Variants in KCNH5 observed in about 807,000 individuals in gnomAD.
KCNH5 encodes the protein potassium voltage-gated channel subfamily H member 5, also known as voltage-gated delayed rectifier potassium channel KCNH5.
A neutral mutation model predicts 96.1 loss-of-function variants in KCNH5; 46 were observed. The ratio of observed to expected loss-of-function variants is 0.48; its 90% CI spans 0.38 to 0.61. The LOEUF (loss-of-function observed/expected upper bound fraction) is 0.61. Among genes scored for constraint, KCNH5 ranks in the 20% least tolerant of loss-of-function variants. KCNH5 has a pLI of 0.00. For missense variants in KCNH5, 907 were observed against 1,225.8 expected, an observed-to-expected ratio of 0.74 and a Z score of 3.88; for synonymous variants, 439 against 449.8, an observed-to-expected ratio of 0.98 and a Z score of 0.30.
rs530519484 is a variant in KCNH5 at position 62,731,334 on chromosome 14, T to C, written c.2020-22879A>G. ...TAATAATAATAAATTAAAAAATAAA[T>C]AAATAAAATTAAATTAAAAATTAAA... On this transcript the variant is annotated intron_variant, in intron 10 of 10. Transcript: ENST00000322893. Among the ~76,000 whole-genome samples, 17 of 151,274 alleles carry C rather than the reference T, an allele frequency of 1.1e-4. No homozygotes were observed. The South Asian group carries it at 3.5e-3, about 32-fold the overall frequency.
intron 6 of KCNH5, among the ~76,000 whole-genome samples, chr14:62,969,720 G>A (rs1434053104): frequency 6.7e-6 from 1 of 149,078 alleles, no homozygotes; most frequent in Non-Finnish European, 1.5e-5. Context: ...AGACCTGCCT[G>A]TCCTGCACGT....
intron 7 of KCNH5, among the ~76,000 whole-genome samples, chr14:62,934,852 T>C (rs1889648714): frequency 6.6e-6 from 1 of 152,142 alleles, no homozygotes; most frequent in South Asian, 2.1e-4. Context: ...TTAGTTCTTT[T>C]CCCAGAAAAC....
intron 7 of KCNH5, among the ~76,000 whole-genome samples, chr14:62,906,883 C>T (rs1434304274): frequency 2.6e-5 from 4 of 152,034 alleles, no homozygotes; most frequent in Non-Finnish European, 4.4e-5. Context: ...TCCAACCGAC[C>T]CCAAAGTGTT....
At chr14:62,804,713 C>A (rs1886730566) in intron 8 of KCNH5, among the ~76,000 whole-genome samples, 1 of 152,172 alleles carries the variant, frequency 6.6e-6, no homozygotes, top group African/African-American at 2.4e-5. Flanking sequence ...TTCCTCTAAA[C>A]CTCATCTGTG....
chr14:63,041,200 T>C lies in KCNH5; in HGVS notation c.73+3914A>G, dbSNP rs1375368975. On this transcript the variant is annotated intron_variant, in intron 1 of 10. Transcript: ENST00000322893. Reference sequence around the variant, plus strand: ...AAAGACAAAATCAGGTTGAAGGTCTTTGAAATATTTTTTGTCTTTTGAATC... The same window carrying C: ...AAAGACAAAATCAGGTTGAAGGTCTCTGAAATATTTTTTGTCTTTTGAATC... 2.6e-5 allele frequency among the ~76,000 whole-genome samples: 4 copies of C among 152,264 alleles called. No individual in the cohort carries two copies. In the East Asian group the frequency reaches 7.7e-4, roughly 29 times the overall value.
rs561654814 is a variant in KCNH5, at chr14:62,977,077, A to G, written c.942+3795T>C. On this transcript the variant is annotated intron_variant, in intron 6 of 10. Transcript: ENST00000322893. ...AAAATGCATATTTGCAGTCATAACA[A>G]TATCAACACTTGGCCAGGCCCAGTT... 3.9e-5 allele frequency among the ~76,000 whole-genome samples: 6 copies of G among 152,306 alleles called. No individual in the cohort carries two copies. In the East Asian group the frequency reaches 7.7e-4, roughly 20 times the overall value.
chr14:62,958,481 G>C (rs955781629), intron 6 of KCNH5, among the ~76,000 whole-genome samples: 69 of 152,190 alleles, frequency 4.5e-4, no homozygotes, highest in African/African-American at 1.6e-3. Flanking sequence ...CTCCAGCTCT[G>C]AAATTTTGAA....
intron 9 of KCNH5, among the ~76,000 whole-genome samples, chr14:62,800,200 C>G (rs1479012447): frequency 6.6e-6 from 1 of 152,010 alleles, no homozygotes; most frequent in Non-Finnish European, 1.5e-5. Context: ...TAATTTGACT[C>G]ATTAAGCACA....
intron 9 of KCNH5, among the ~76,000 whole-genome samples, chr14:62,796,980 C>A (rs942854628): frequency 5.3e-5 from 8 of 152,118 alleles, no homozygotes; most frequent in Non-Finnish European, 2.9e-5. Context: ...ATCTTAGTAA[C>A]TTTGAATAGA....
chr14:62,936,980 CAAA>C (rs5809179), intron 7 of KCNH5, among the ~76,000 whole-genome samples: 1 of 62,276 alleles, frequency 1.6e-5, no homozygotes, highest in Non-Finnish European at 3.0e-5. Flanking sequence ...GACTCCATCT[CAAA>C]AAAAAAAAAA....
intron 2 of KCNH5, among the ~76,000 whole-genome samples, chr14:63,014,513 T>C (rs1891287801): frequency 6.6e-6 from 1 of 152,092 alleles, no homozygotes; most frequent in South Asian, 2.1e-4. Flanking sequence ...GTGAATCCTT[T>C]ATAGGAAAAA....
intron 9 of KCNH5, among the ~76,000 whole-genome samples, chr14:62,799,726 T>TATACACACAC (rs1213484157): frequency 3.4e-4 from 23 of 68,654 alleles, no homozygotes; most frequent in South Asian, 2.9e-3. Context: ...TATATATATA[T>TATACACACAC]ACACACACAC....
chr14:62,910,635 T>C (rs868691779), intron 7 of KCNH5, among the ~76,000 whole-genome samples: 1 of 152,114 alleles, frequency 6.6e-6, no homozygotes, highest in Non-Finnish European at 1.5e-5. Flanking sequence ...TACCTGGGAA[T>C]AAATCTAACA....
At chr14:62,982,395 A>T (rs907375325) in intron 5 of KCNH5, among the ~76,000 whole-genome samples, 1 of 152,236 alleles carries the variant, frequency 6.6e-6, no homozygotes, top group Non-Finnish European at 1.5e-5. Context: ...GAAGCCAAAG[A>T]CAATGTATGT....
rs541592846 is a variant in KCNH5 at position 62,919,616 on chromosome 14, G to A, written c.1369+30517C>T. Among the ~76,000 whole-genome samples, 11 of 152,016 alleles carry A rather than the reference G, an allele frequency of 7.2e-5. No homozygotes were observed. In the Admixed American group the frequency reaches 7.3e-4, roughly 10 times the overall value. On this transcript the variant is annotated intron_variant, in intron 7 of 10. Transcript: ENST00000322893. ...TATGGGTAATAATAACACTTATCTA[G>A]TAAGATTACTATTAGGATGAAATGA...
At chr14:62,797,457 G>T (rs1473628707) in intron 9 of KCNH5, among the ~76,000 whole-genome samples, 1 of 152,116 alleles carries the variant, frequency 6.6e-6, no homozygotes, top group East Asian at 1.9e-4. Flanking sequence ...CAACACAGAA[G>T]TATGGGTGCA....
At chr14:63,005,522 T>C (rs1891108099) in intron 3 of KCNH5, among the ~76,000 whole-genome samples, 1 of 152,312 alleles carries the variant, frequency 6.6e-6, no homozygotes, top group East Asian at 1.9e-4. Flanking sequence ...TCAAAGATAA[T>C]AGTAGACTTT....
rs368523696 is a variant in KCNH5 at position 63,045,229 on chromosome 14, G to A, written c.-43C>T. On this transcript the variant is annotated 5_prime_UTR_variant, in exon 1 of 11. Coordinates refer to ENST00000322893, the MANE Select transcript of KCNH5 (RefSeq NM_139318.5). ...GCGGCCAGGATCCGCGGCGGGGGAG[G>A]GGGGGATGCAGGCAAAGAAGGTGGA... is the stretch of plus-strand genomic sequence containing the variant. The A allele has an allele frequency of 3.0e-5, 44 of 1,479,610 alleles. No individual in the cohort carries two copies. Among genetic ancestry groups the A allele is most frequent in the Non-Finnish European group, 3.9e-5 (41 of 1,061,930 alleles). 91.7% of individuals were successfully genotyped at this position (1,479,610 alleles called of 1,614,324 possible).
chr14:62,743,069 A>G (rs1025789132), intron 10 of KCNH5, among the ~76,000 whole-genome samples: 2 of 151,830 alleles, frequency 1.3e-5, no homozygotes, highest in Non-Finnish European at 2.9e-5. Context: ...ACTACAAGTG[A>G]GTTTTCCCGT....
Sources: gnomAD v4.1 joint callset for allele counts (sites outside exome capture counted in the v4.1 genomes callset) on GRCh38, gnomAD v4.1.1 for gene constraint, MANE v1.5 for transcripts, NCBI Gene and HGNC (gene_info 2026-07-23, HGNC 2026-07-21) for gene names.